Variants in SEL1L3 observed in about 807,000 individuals in gnomAD.
SEL1L3 encodes the protein SEL1L family member 3, also known as protein sel-1 homolog 3.
SEL1L3 carries 76 observed loss-of-function variants against 142.8 expected under a neutral mutation model. That is an observed-to-expected ratio of 0.53 (90% confidence interval 0.44 to 0.64). The LOEUF (loss-of-function observed/expected upper bound fraction) is 0.64. Among genes scored for constraint, SEL1L3 ranks in the 30% least tolerant of loss-of-function variants. SEL1L3 has a pLI of 0.00. For synonymous variants in SEL1L3, 504 were observed against 519.6 expected (o/e 0.97, Z 0.41); for missense variants, 1,262 against 1,381.7 (o/e 0.91, Z 1.37).
At chr4:25,767,858 T>C (rs901707991) in intron 17 of SEL1L3, 28 bp from the exon 18 acceptor site, 97 of 1,314,970 alleles carry the variant, frequency 7.4e-5, no homozygotes, top group Non-Finnish European at 1.0e-4. Context: ...ATAATAAATT[T>C]CATATAGTGG....
intron 11 of SEL1L3, among the ~76,000 whole-genome samples, chr4:25,792,387 C>T (rs759700089): frequency 2.6e-5 from 4 of 152,180 alleles, no homozygotes; most frequent in Non-Finnish European, 4.4e-5. Flanking sequence ...CATGGGATGT[C>T]GCCCTCTAGT....
At chr4:25,734,119 G>A in the SEL1L3 span, among the ~76,000 whole-genome samples, 3 of 151,858 alleles carry the variant, frequency 2.0e-5, no homozygotes, top group Admixed American at 6.6e-5. Context: ...TACCTCCCAC[G>A]TTCAAGCCAT....
chr4:25,832,437 T>G (rs1577672415), intron 5 of SEL1L3, among the ~76,000 whole-genome samples: 1 of 152,248 alleles, frequency 6.6e-6, no homozygotes, highest in East Asian at 1.9e-4. Flanking sequence ...TTATGAGAGT[T>G]TGAAGCAGTT....
intron 13 of SEL1L3, among the ~76,000 whole-genome samples, chr4:25,784,701 CTTCATCAG>C (rs1711669508): frequency 6.6e-6 from 1 of 152,234 alleles, no homozygotes; most frequent in Non-Finnish European, 1.5e-5. Context: ...CGCTTGCAGG[CTTCATCAG>C]CCTTGGCTGG....
In SEL1L3 at chr4:25,789,331, G is replaced by A. The variant is rs1712106611; in HGVS notation, c.2077-967C>T. 2.0e-5 allele frequency among the ~76,000 whole-genome samples: 3 copies of A among 152,070 alleles called. No homozygotes were observed. The South Asian group carries it at 6.2e-4, about 32-fold the overall frequency. Reference sequence around the variant, plus strand: ...CCAGGTGTGGTGGGCCTTAATTCCTGCACTTTGAGAGGCATAAGCAGGAGA... The same window carrying A: ...CCAGGTGTGGTGGGCCTTAATTCCTACACTTTGAGAGGCATAAGCAGGAGA... On this transcript the variant is annotated intron_variant, in intron 12 of 23. Coordinates refer to ENST00000399878, the MANE Select transcript of SEL1L3 (RefSeq NM_015187.5).
In SEL1L3 at chr4:25,758,986, G is replaced by C. The variant is rs532763026; in HGVS notation, c.3038C>G (p.Thr1013Ser). The C allele has an allele frequency of 6.2e-7, 1 of 1,613,710 alleles. No individual in the cohort carries two copies. Among genetic ancestry groups the C allele is most frequent in the East Asian group, 2.2e-5 (1 of 44,882 alleles). The change falls in exon 21 of 24, where the codon ACT becomes AGT. Residue 1013 changes from threonine to serine, a missense_variant. Transcript: ENST00000399878. ...AATGGAGATGTTATTAGAATGGAGA[G>C]TTGAGTCAATTTCCAAGAAATCCAA... The part of the protein sequence containing the change: ...HILDFLEIDS[T>S]LHSNNISILQ...
At chr4:25,857,193 T>C (rs1010172720) in intron 1 of SEL1L3, among the ~76,000 whole-genome samples, 4 of 152,166 alleles carry the variant, frequency 2.6e-5, no homozygotes, top group Non-Finnish European at 2.9e-5. Context: ...CAACAAAGCA[T>C]GCAATTAAGC....
intron 17 of SEL1L3, among the ~76,000 whole-genome samples, chr4:25,772,532 G>C (rs541456161): frequency 6.6e-6 from 1 of 151,866 alleles, no homozygotes; most frequent in South Asian, 2.1e-4. Context: ...CATAAAAAAT[G>C]CTCATGGCCG....
intron 11 of SEL1L3, among the ~76,000 whole-genome samples, chr4:25,793,642 T>C (rs1712510054): frequency 2.0e-5 from 3 of 152,110 alleles, no homozygotes; most frequent in Non-Finnish European, 4.4e-5. Flanking sequence ...ATGGAGGGGA[T>C]CTGAATTTTA....
At chr4:25,857,869 G>A (rs896026057) in intron 1 of SEL1L3, among the ~76,000 whole-genome samples, 3 of 152,116 alleles carry the variant, frequency 2.0e-5, no homozygotes, top group African/African-American at 4.8e-5. Context: ...CCATTATGCC[G>A]GCATGCCTTG....
intron 20 of SEL1L3, 183 bp from the exon 21 acceptor site, chr4:25,759,251 G>T: frequency 1.7e-6 from 1 of 601,950 alleles, no homozygotes; most frequent in South Asian, 2.3e-5. Context: ...AAATTTATTT[G>T]CAGGAGAACC....
intron 17 of SEL1L3, among the ~76,000 whole-genome samples, chr4:25,772,201 A>G (rs1460619324): frequency 1.3e-5 from 2 of 152,240 alleles, no homozygotes; most frequent in Admixed American, 6.5e-5. Context: ...GCAGGAATGG[A>G]TGGAAGTACT....
In SEL1L3 at chr4:25,790,626, G is replaced by T; in HGVS notation, c.1957-52C>A. On this transcript the variant is annotated intron_variant, in intron 11 of 23. Transcript: ENST00000399878. ...AGGAGGGAAAGAAGGAAGGAAGGAAGGAAGGAAGGAAGGAAGGAAGGAAGG... is the reference window on the plus strand; with the variant it reads ...AGGAGGGAAAGAAGGAAGGAAGGAATGAAGGAAGGAAGGAAGGAAGGAAGG... The T allele has an allele frequency of 1.6e-4, 5 of 31,944 alleles. No individual in the cohort carries two copies. In the South Asian group the frequency reaches 5.7e-3, roughly 36 times the overall value. The allele number at this position is 31,944 out of a possible 1,614,324, so 2.0% of individuals were successfully genotyped here. A position where few individuals can be genotyped will look rare whatever the true frequency, so the allele number is the denominator to read the frequency against.
chr4:25,770,676 G>T (rs1719098166), intron 17 of SEL1L3, among the ~76,000 whole-genome samples: 1 of 144,602 alleles, frequency 6.9e-6, no homozygotes, highest in Admixed American at 7.2e-5. Flanking sequence ...GGAGGCGGAG[G>T]TTGCAGTGAG....
intron 6 of SEL1L3, among the ~76,000 whole-genome samples, chr4:25,825,042 C>T (rs1005276008): frequency 6.6e-6 from 1 of 152,044 alleles, no homozygotes; most frequent in Non-Finnish European, 1.5e-5. Context: ...CAAAAGAAGG[C>T]CCTCTCTAGA....
the SEL1L3 span, among the ~76,000 whole-genome samples, chr4:25,726,437 A>G: frequency 3.3e-5 from 5 of 151,116 alleles, no homozygotes; most frequent in Non-Finnish European, 7.4e-5. Flanking sequence ...CTGAGACAGG[A>G]GAATCACTTG....
In SEL1L3 at chr4:25,747,638, TA is replaced by T. The variant is rs1717325042; in HGVS notation, c.*786del. ...TACAGACTCACGCAGGCATGAGGGG[TA>T]GGGATGAAACTATAAGCTAGAGGCT... On this transcript the variant is annotated 3_prime_UTR_variant, in exon 24 of 24. Transcript: ENST00000399878. The T allele has an allele frequency of 6.6e-6, 1 of 150,518 alleles. No homozygotes were observed. Among genetic ancestry groups the T allele is most frequent in the South Asian group, 2.1e-4 (1 of 4,726 alleles). 9.3% of individuals were successfully genotyped at this position (150,518 alleles called of 1,614,324 possible).
At chr4:25,806,315 G>A (rs1036351704) in intron 9 of SEL1L3, among the ~76,000 whole-genome samples, 4 of 151,906 alleles carry the variant, frequency 2.6e-5, no homozygotes, top group Non-Finnish European at 5.9e-5. Context: ...GGGATTACAG[G>A]CTTGAGCCAC....
chr4:25,752,108 CA>C (rs758727448), intron 23 of SEL1L3, among the ~76,000 whole-genome samples: 1,377 of 99,326 alleles, frequency 0.014, 28 homozygotes, highest in East Asian at 0.08. Context: ...GACTCCATCT[CA>C]AAAAAAAAAA....
Sources: gnomAD v4.1 joint callset for allele counts (sites outside exome capture counted in the v4.1 genomes callset) on GRCh38, gnomAD v4.1.1 for gene constraint, MANE v1.5 for transcripts, NCBI Gene and HGNC (gene_info 2026-07-23, HGNC 2026-07-21) for gene names.